The following MAGI1 variants were observed in gnomAD, a reference collection of about 807,000 sequenced individuals.
MAGI1 encodes membrane-associated guanylate kinase, WW and PDZ domain-containing protein 1.
A neutral mutation model predicts 139.9 loss-of-function variants in MAGI1; 58 were observed. The ratio of observed to expected loss-of-function variants is 0.41; its 90% CI spans 0.34 to 0.52. The LOEUF is 0.52. Ranked by LOEUF, MAGI1 falls within the 20% of genes least tolerant of loss-of-function variation. The pLI is 0.12. For synonymous variants in MAGI1, 812 were observed against 737.9 expected, an observed-to-expected ratio of 1.10 and a Z score of -1.63; for missense variants, 1,874 against 1,901.6, an observed-to-expected ratio of 0.99 and a Z score of 0.27.
At chr3:65,764,626 G>A (rs1166364786) in intron 1 of MAGI1, among the ~76,000 whole-genome samples, 1 of 152,130 alleles carries the variant, frequency 6.6e-6, no homozygotes, top group African/African-American at 2.4e-5. Flanking sequence ...AGAATGCTTA[G>A]GGGAAAAATT....
intron 14 of MAGI1, among the ~76,000 whole-genome samples, chr3:65,386,265 C>G (rs1387158936): frequency 7.0e-6 from 1 of 143,806 alleles, no homozygotes; most frequent in African/African-American, 2.6e-5. Flanking sequence ...AAAAAAAAAG[C>G]TTCGTTTCCT....
intron 18 of MAGI1, chr3:65,372,017 A>T (rs753360931): frequency 2.1e-5 from 6 of 288,134 alleles, no homozygotes; most frequent in South Asian, 6.2e-5. Flanking sequence ...GTTAAGGTCA[A>T]CATGTCTCCC....
At chr3:65,923,843 TC>T (rs1448410875) in intron 1 of MAGI1, among the ~76,000 whole-genome samples, 1 of 152,200 alleles carries the variant, frequency 6.6e-6, no homozygotes, top group Non-Finnish European at 1.5e-5. Flanking sequence ...GAGCGTTGTT[TC>T]CTCATTACCA....
At chr3:65,546,212 T>C (rs572966482) in intron 2 of MAGI1, among the ~76,000 whole-genome samples, 1 of 152,288 alleles carries the variant, frequency 6.6e-6, no homozygotes, top group East Asian at 1.9e-4. Context: ...TTCATTTACT[T>C]GTCATTCAGC....
At chr3:66,002,022 G>A (rs1453353862) in intron 1 of MAGI1, among the ~76,000 whole-genome samples, 1 of 152,138 alleles carries the variant, frequency 6.6e-6, no homozygotes, top group Non-Finnish European at 1.5e-5. Context: ...AGTGTGCTCA[G>A]ACCTTCTGAA....
At chr3:65,567,072 A>C (rs1029820650) in intron 2 of MAGI1, among the ~76,000 whole-genome samples, 4 of 150,420 alleles carry the variant, frequency 2.7e-5, no homozygotes, top group Admixed American at 1.3e-4. Flanking sequence ...AGACACTTTT[A>C]AGTGGCATTG....
intron 2 of MAGI1, among the ~76,000 whole-genome samples, chr3:65,556,720 C>T (rs149606358): frequency 1.6e-4 from 25 of 152,330 alleles, no homozygotes; most frequent in African/African-American, 5.5e-4. Flanking sequence ...CACGCTGTTA[C>T]AGAAGGCAGA....
chr3:65,633,013 C>A (rs2084400142), intron 1 of MAGI1, among the ~76,000 whole-genome samples: 1 of 152,092 alleles, frequency 6.6e-6, no homozygotes, highest in Admixed American at 6.5e-5. Flanking sequence ...TGGTCTCTAC[C>A]CCAGGACTTG....
chr3:65,743,629 G>A (rs892987879), intron 1 of MAGI1, among the ~76,000 whole-genome samples: 1 of 152,010 alleles, frequency 6.6e-6, no homozygotes, highest in African/African-American at 2.4e-5. Flanking sequence ...AGAATTGCTT[G>A]AACCTGGGAG....
intron 1 of MAGI1, among the ~76,000 whole-genome samples, chr3:65,914,929 T>C (rs960112711): frequency 3.3e-5 from 5 of 152,186 alleles, no homozygotes; most frequent in Non-Finnish European, 7.3e-5. Flanking sequence ...CTTGGGATAG[T>C]AGTGAAAGTT....
intron 1 of MAGI1, among the ~76,000 whole-genome samples, chr3:66,003,173 T>C (rs1004456129): frequency 1.6e-4 from 24 of 152,156 alleles, no homozygotes; most frequent in African/African-American, 5.8e-4. Flanking sequence ...TACAAAGCCC[T>C]TTCCCCTTGA....
intron 1 of MAGI1, among the ~76,000 whole-genome samples, chr3:65,699,651 C>T (rs2089458358): frequency 6.8e-6 from 1 of 146,472 alleles, no homozygotes; most frequent in Admixed American, 6.9e-5. Flanking sequence ...ACCTCATATG[C>T]TCACTCATAG....
rs1037275924 is a variant in MAGI1 at position 66,038,431 on chromosome 3, G to A, written c.-123C>T. On this transcript the variant is annotated 5_prime_UTR_variant, in exon 1 of 23. Coordinates refer to ENST00000402939, the MANE Select transcript of MAGI1 (RefSeq NM_001033057.2). ...TCTCCCCAAATCACAAAACAGGAGAGAGAAACTTGGCAGCCTCGCTCCCCT... is the reference window on the plus strand; with the variant it reads ...TCTCCCCAAATCACAAAACAGGAGAAAGAAACTTGGCAGCCTCGCTCCCCT... 3.0e-6 allele frequency: 4 copies of A among 1,351,170 alleles called. No homozygotes were observed. Among genetic ancestry groups the A allele is most frequent in the South Asian group, 3.1e-5 (2 of 64,458 alleles). The allele number at this position is 1,351,170 out of a possible 1,614,324, so 83.7% of individuals were successfully genotyped here. A position where few individuals can be genotyped will look rare whatever the true frequency, so the allele number is the denominator to read the frequency against.
chr3:65,858,139 A>C (rs2108429582), intron 1 of MAGI1, among the ~76,000 whole-genome samples: 1 of 152,110 alleles, frequency 6.6e-6, no homozygotes, highest in South Asian at 2.1e-4. Flanking sequence ...AAATAATATT[A>C]ATTCTAAAAT....
rs11373923 is a variant in MAGI1, at chr3:65,621,015, GT to G, written c.430+956del. 3.9e-3 allele frequency among the ~76,000 whole-genome samples: 583 copies of G among 150,666 alleles called. 7 individuals carry two copies. The highest frequency in any genetic ancestry group is 0.014 in the African/African-American group (555 of 41,046). ...TAGCACTCTAGCATATCATTTGCAA[GT>G]TTTTTTTTTAAAAGAAAACCATTTA... On this transcript the variant is annotated intron_variant, in intron 2 of 22. Coordinates refer to ENST00000402939, the MANE Select transcript of MAGI1 (RefSeq NM_001033057.2).
intron 12 of MAGI1, among the ~76,000 whole-genome samples, chr3:65,405,542 T>C (rs562702917): frequency 1.3e-5 from 2 of 152,300 alleles, no homozygotes; most frequent in South Asian, 2.1e-4. Context: ...GCTTTATTTA[T>C]TTATAAATAC....
In MAGI1 at chr3:65,610,740, T is replaced by C. The variant is rs868295251; in HGVS notation, c.430+11232A>G. On this transcript the variant is annotated intron_variant, in intron 2 of 22. Transcript: ENST00000402939. ...TTCATTTAGGTACAAATATAGTATA[T>C]AGTATATATACAGTATATATATAGC... 1.2e-3 allele frequency among the ~76,000 whole-genome samples: 31 copies of C among 26,912 alleles called. 1 individual carries two copies. Among genetic ancestry groups the C allele is most frequent in the Non-Finnish European group, 2.2e-3 (17 of 7,752 alleles). 17.7% of individuals were successfully genotyped at this position (26,912 alleles called of 152,430 possible). A position where few individuals can be genotyped will look rare whatever the true frequency, so the allele number is the denominator to read the frequency against.
intron 2 of MAGI1, among the ~76,000 whole-genome samples, chr3:65,500,319 T>C (rs1305791073): frequency 6.6e-6 from 1 of 152,210 alleles, no homozygotes; most frequent in South Asian, 2.1e-4. Flanking sequence ...CACCACTAGA[T>C]AATAACTTAA....
At chr3:65,437,476 T>A (rs951889646) in intron 9 of MAGI1, among the ~76,000 whole-genome samples, 16 of 152,000 alleles carry the variant, frequency 1.1e-4, no homozygotes, top group African/African-American at 3.4e-4. Context: ...AGAACTCCAG[T>A]TCTCTCTGGC....
Sources: allele counts gnomAD v4.1 joint callset (sites outside exome capture counted in the v4.1 genomes callset), GRCh38; gene constraint gnomAD v4.1.1; transcripts MANE v1.5; gene names NCBI Gene and HGNC (gene_info 2026-07-23, HGNC 2026-07-21).